Variants in HECW1 observed in about 807,000 individuals in gnomAD.
The protein encoded by HECW1 is HECT, C2 and WW domain containing E3 ubiquitin protein ligase 1, also known as E3 ubiquitin-protein ligase HECW1.
In HECW1, 61 loss-of-function variants were observed where a neutral mutation model predicts 182.3. The ratio of observed to expected loss-of-function variants is 0.33; its 90% CI spans 0.27 to 0.41. HECW1 has a LOEUF of 0.41. Ranked by LOEUF, HECW1 falls within the 10% of genes least tolerant of loss-of-function variation. The pLI is 1.00. For synonymous variants in HECW1, 859 were observed against 832.6 expected, an observed-to-expected ratio of 1.03 and a Z score of -0.55; for missense variants, 1,739 against 2,108.9, an observed-to-expected ratio of 0.82 and a Z score of 3.44.
At chr7:43,257,474 G>A (rs562206357) in intron 3 of HECW1, among the ~76,000 whole-genome samples, 9 of 152,250 alleles carry the variant, frequency 5.9e-5, no homozygotes, top group African/African-American at 2.2e-4. Context: ...AGGCAGATTA[G>A]GGCCCGAAGC....
At chr7:43,525,201 G>T (rs1037412139) in intron 24 of HECW1, among the ~76,000 whole-genome samples, 83 of 152,262 alleles carry the variant, frequency 5.5e-4, no homozygotes, top group African/African-American at 2.0e-3. Flanking sequence ...TATGTGGTCA[G>T]CATCATGGCT....
chr7:43,113,469 G>C (rs1453735622), intron 1 of HECW1, among the ~76,000 whole-genome samples: 1 of 152,164 alleles, frequency 6.6e-6, no homozygotes, highest in African/African-American at 2.4e-5. Flanking sequence ...CTCGAGGGGC[G>C]CGTGGCCAGG....
intron 24 of HECW1, among the ~76,000 whole-genome samples, chr7:43,529,178 G>A (rs558549058): frequency 2.0e-5 from 3 of 151,968 alleles, no homozygotes; most frequent in African/African-American, 4.8e-5. Flanking sequence ...TTCTACAGCC[G>A]GCGTTCCCAC....
chr7:43,154,474 T>C (rs912649592), intron 2 of HECW1, among the ~76,000 whole-genome samples: 7 of 152,242 alleles, frequency 4.6e-5, no homozygotes, highest in African/African-American at 1.7e-4. Flanking sequence ...TTTGCATTTC[T>C]AGGTCGTGAA....
At chr7:43,381,606 C>T (rs1278473693) in intron 6 of HECW1, among the ~76,000 whole-genome samples, 3 of 151,800 alleles carry the variant, frequency 2.0e-5, no homozygotes, top group Non-Finnish European at 4.4e-5. Context: ...TCTCCTGTCT[C>T]GACCTCTCAA....
chr7:43,125,284 C>T (rs2152610462), intron 2 of HECW1, among the ~76,000 whole-genome samples: 1 of 152,256 alleles, frequency 6.6e-6, no homozygotes, highest in Non-Finnish European at 1.5e-5. Context: ...CAGTCTCTAA[C>T]AGAGGATTTC....
chr7:43,212,419 C>A (rs527497974), intron 2 of HECW1, among the ~76,000 whole-genome samples: 1 of 152,194 alleles, frequency 6.6e-6, no homozygotes, highest in Non-Finnish European at 1.5e-5. Context: ...GCAAAATATT[C>A]TTTTCACTTT....
intron 27 of HECW1, among the ~76,000 whole-genome samples, chr7:43,550,945 G>A (rs79589337): frequency 1.3e-5 from 2 of 152,192 alleles, no homozygotes; most frequent in Non-Finnish European, 2.9e-5. Context: ...AATAAGTGAA[G>A]TGAAGACATT....
intron 12 of HECW1, among the ~76,000 whole-genome samples, chr7:43,453,222 T>C (rs2077292080): frequency 2.0e-5 from 3 of 152,120 alleles, no homozygotes; most frequent in African/African-American, 7.2e-5. Context: ...AGATTATGTC[T>C]TTATGCAGGA....
At chr7:43,501,363 C>A in intron 21 of HECW1, 41 bp downstream of exon 21, 2 of 1,112,650 alleles carry the variant, frequency 1.8e-6, no homozygotes, top group Non-Finnish European at 2.7e-6. Flanking sequence ...TAAGTGGCCA[C>A]GTGTGTTTCC....
At chr7:43,151,619 C>A (rs1427361260) in intron 2 of HECW1, among the ~76,000 whole-genome samples, 6 of 152,152 alleles carry the variant, frequency 3.9e-5, no homozygotes, top group African/African-American at 1.4e-4. Flanking sequence ...AGGAGCCCCA[C>A]TGATATTGGC....
chr7:43,401,318 GA>G (rs1340340117), intron 7 of HECW1, among the ~76,000 whole-genome samples: 2 of 152,154 alleles, frequency 1.3e-5, no homozygotes, highest in Non-Finnish European at 2.9e-5. Flanking sequence ...GTCTCTCCCG[GA>G]AGGCATCAAT....
intron 3 of HECW1, among the ~76,000 whole-genome samples, chr7:43,295,156 G>A (rs960616340): frequency 1.3e-5 from 2 of 152,118 alleles, no homozygotes; most frequent in South Asian, 2.1e-4. Context: ...AAAAAAATCA[G>A]GTATGCATTG....
Position 43,432,940 on chromosome 7 carries a change from C to CA in HECW1, c.802-5060dup, listed in dbSNP as rs1460543752. On this transcript the variant is annotated intron_variant, in intron 8 of 29. Coordinates refer to ENST00000395891, the MANE Select transcript of HECW1 (RefSeq NM_015052.5). The surrounding 1 kb of genome is among the most constrained non-coding windows in gnomAD (Gnocchi z 4.1). ...TAAATGGCCTATTGAGTAAACAACA[C>CA]AAACAAAATAAATAACATCCTCCTA... Among the ~76,000 whole-genome samples, 4 of 152,198 alleles carry CA rather than the reference C, an allele frequency of 2.6e-5. No individual in the cohort carries two copies. Among genetic ancestry groups the CA allele is most frequent in the Non-Finnish European group, 1.5e-5 (1 of 68,022 alleles).
intron 5 of HECW1, among the ~76,000 whole-genome samples, chr7:43,324,004 A>G (rs1473634190): frequency 6.6e-6 from 1 of 151,812 alleles, no homozygotes; most frequent in Non-Finnish European, 1.5e-5. Context: ...ATTGCACTCC[A>G]GTTTGGGCGA....
At chr7:43,381,667 G>A (rs1346156710) in intron 6 of HECW1, among the ~76,000 whole-genome samples, 1 of 152,008 alleles carries the variant, frequency 6.6e-6, no homozygotes, top group Non-Finnish European at 1.5e-5. Context: ...GGGATTACAG[G>A]CATGTGCCAC....
intron 7 of HECW1, among the ~76,000 whole-genome samples, chr7:43,399,465 A>G (rs531977797): frequency 1.3e-5 from 2 of 152,374 alleles, no homozygotes; most frequent in African/African-American, 4.8e-5. Flanking sequence ...GAAACCAGGA[A>G]TACTGCACAA....
At chr7:43,369,821 G>A (rs1184848096) in intron 6 of HECW1, among the ~76,000 whole-genome samples, 1 of 152,168 alleles carries the variant, frequency 6.6e-6, no homozygotes, top group East Asian at 1.9e-4. Flanking sequence ...TAGACAAAAC[G>A]AAATGTTCAC....
At chr7:43,541,347 T>C in intron 25 of HECW1, 86 bp downstream of exon 25, 1 of 1,053,732 alleles carries the variant, frequency 9.5e-7, no homozygotes, top group South Asian at 1.3e-5. Flanking sequence ...GACCCTTTTG[T>C]CACTATTTTG....
Sources: allele counts gnomAD v4.1 joint callset (sites outside exome capture counted in the v4.1 genomes callset), GRCh38; gene constraint gnomAD v4.1.1; non-coding constraint Gnocchi (gnomAD v3.1); transcripts MANE v1.5; gene names NCBI Gene and HGNC (gene_info 2026-07-23, HGNC 2026-07-21).